The following NKAIN2 variants were observed in gnomAD, a reference collection of about 807,000 sequenced individuals.
NKAIN2 encodes the protein sodium/potassium-transporting ATPase subunit beta-1-interacting protein 2.
NKAIN2 carries 14 observed loss-of-function variants against 32.6 expected under a neutral mutation model. The observed-to-expected ratio is 0.43, with a 90% CI of 0.28 to 0.67. The LOEUF (loss-of-function observed/expected upper bound fraction) is 0.67, where lower values mean the gene tolerates loss of function less well. Among genes scored for constraint, NKAIN2 ranks in the 30% least tolerant of loss-of-function variants. The pLI is 0.17. For missense variants in NKAIN2, 198 were observed against 258.3 expected (o/e 0.77, Z 1.60); for synonymous variants, 80 against 87.2 (o/e 0.92, Z 0.46).
rs186900743 is a variant in NKAIN2, at chr6:124,605,785, T to C, written c.274-52401T>C. On this transcript the variant is annotated intron_variant, in intron 3 of 6. Transcript: ENST00000368417. ...GCTACCTAAAAGGAGGACAAAACTT[T>C]GTATTATGCAAAATAATTTCCTTTA... Among the ~76,000 whole-genome samples the C allele has an allele frequency of 3.3e-5, 5 of 152,164 alleles. No individual in the cohort carries two copies. The East Asian group carries it at 9.7e-4, about 29-fold the overall frequency.
intron 4 of NKAIN2, among the ~76,000 whole-genome samples, chr6:124,737,968 G>A (rs928728561): frequency 1.3e-5 from 2 of 151,834 alleles, no homozygotes; most frequent in African/African-American, 4.8e-5. Flanking sequence ...TAAAAGTTTG[G>A]AAAATTTGCA....
At chr6:123,804,616 G>A (rs1773137320) in intron 1 of NKAIN2, among the ~76,000 whole-genome samples, 1 of 152,128 alleles carries the variant, frequency 6.6e-6, no homozygotes, top group Non-Finnish European at 1.5e-5. Flanking sequence ...TTAAACAGAG[G>A]AATACGGAAT....
intron 1 of NKAIN2, among the ~76,000 whole-genome samples, chr6:123,929,857 A>G (rs1395990702): frequency 6.6e-6 from 1 of 152,144 alleles, no homozygotes; most frequent in African/African-American, 2.4e-5. Flanking sequence ...TCGAAATCCA[A>G]AATGTTCCAA....
chr6:124,337,689 G>C (rs186746872), intron 2 of NKAIN2, among the ~76,000 whole-genome samples: 42 of 152,326 alleles, frequency 2.8e-4, no homozygotes, highest in Non-Finnish European at 3.1e-4. Flanking sequence ...GGTGACTATA[G>C]AATATACAGA....
intron 1 of NKAIN2, among the ~76,000 whole-genome samples, chr6:123,815,138 G>C (rs919472439): frequency 6.6e-6 from 1 of 152,116 alleles, no homozygotes; most frequent in African/African-American, 2.4e-5. Context: ...CGTAAATCTA[G>C]TATCTAGTGG....
chr6:124,341,604 G>C (rs191353837), intron 2 of NKAIN2, among the ~76,000 whole-genome samples: 3 of 152,018 alleles, frequency 2.0e-5, no homozygotes, highest in Non-Finnish European at 4.4e-5. Context: ...TCACAAGAAA[G>C]CTTGATCATA....
chr6:124,337,546 T>G (rs1025427290), intron 2 of NKAIN2, among the ~76,000 whole-genome samples: 1 of 152,076 alleles, frequency 6.6e-6, no homozygotes, highest in African/African-American at 2.4e-5. Context: ...ATAAATAAAC[T>G]TAAGCACCTA....
rs1309384698 is a variant in NKAIN2, at chr6:124,282,987, C to G, written c.55-18C>G. Reference sequence around the variant, plus strand: ...GTTTCTCACATGCTGATCTGTCCATCCTGTTTTGCTATTCTAGGTTTGTGT... The same window carrying G: ...GTTTCTCACATGCTGATCTGTCCATGCTGTTTTGCTATTCTAGGTTTGTGT... On this transcript the variant is annotated intron_variant, in intron 1 of 6. Transcript: ENST00000368417. 1.2e-6 allele frequency: 2 copies of G among 1,612,756 alleles called. No homozygotes were observed.
At chr6:124,413,875 C>T (rs999353217) in intron 3 of NKAIN2, among the ~76,000 whole-genome samples, 1 of 152,028 alleles carries the variant, frequency 6.6e-6, no homozygotes, top group Non-Finnish European at 1.5e-5. Flanking sequence ...TTTATATTGA[C>T]ATTGTAATTT....
intron 1 of NKAIN2, among the ~76,000 whole-genome samples, chr6:123,847,213 A>G (rs1775130733): frequency 1.3e-5 from 2 of 152,200 alleles, no homozygotes; most frequent in South Asian, 4.1e-4. Context: ...CATTTTTATC[A>G]CAAGCTGACT....
At chr6:123,996,845 T>C (rs1236998426) in intron 1 of NKAIN2, among the ~76,000 whole-genome samples, 1 of 152,218 alleles carries the variant, frequency 6.6e-6, no homozygotes, top group East Asian at 1.9e-4. Context: ...TTTCAGCATA[T>C]GTCTGCTTAA....
At chr6:124,145,599 G>A (rs1272886629) in intron 1 of NKAIN2, among the ~76,000 whole-genome samples, 3 of 151,984 alleles carry the variant, frequency 2.0e-5, no homozygotes, top group South Asian at 2.1e-4. Context: ...TCCACCTCCC[G>A]GGTTCACGCC....
Position 124,774,181 on chromosome 6 carries a change from C to T in NKAIN2, c.475-17158C>T, listed in dbSNP as rs79091894. 1.9e-3 allele frequency among the ~76,000 whole-genome samples: 291 copies of T among 152,126 alleles called. 2 individuals carry two copies. The highest frequency in any genetic ancestry group is 6.5e-3 in the African/African-American group (271 of 41,498). On this transcript the variant is annotated intron_variant, in intron 4 of 6. Transcript: ENST00000368417. ...GGCTGAATTGTTGCAAGTGGGGAGA[C>T]GAGTTAGGAGGCTATTGCAGTGATC...
Position 124,550,005 on chromosome 6 carries a change from C to T in NKAIN2, c.274-108181C>T, listed in dbSNP as rs75158342. 4.2e-3 allele frequency among the ~76,000 whole-genome samples: 644 copies of T among 152,296 alleles called. 13 individuals are homozygous for T. Among genetic ancestry groups the T allele is most frequent in the Admixed American group, 0.029 (440 of 15,294 alleles). On this transcript the variant is annotated intron_variant, in intron 3 of 6. Coordinates refer to ENST00000368417, the MANE Select transcript of NKAIN2 (RefSeq NM_001040214.3). ...TTGAGACCACGCAAGTTTCTGCTTT[C>T]TCTTTATGCTTTTGCCCATGAAGCT...
chr6:124,679,477 A>G (rs528474324), intron 4 of NKAIN2, among the ~76,000 whole-genome samples: 1 of 152,292 alleles, frequency 6.6e-6, no homozygotes, highest in Non-Finnish European at 1.5e-5. Flanking sequence ...TCCCAATCAT[A>G]CTATACTGAG....
intron 1 of NKAIN2, among the ~76,000 whole-genome samples, chr6:124,095,556 T>A (rs1489920450): frequency 1.3e-5 from 2 of 152,196 alleles, no homozygotes; most frequent in African/African-American, 2.4e-5. Context: ...TGCAGCCTAA[T>A]TTTAACATGA....
At chr6:124,082,508 A>G (rs1465747779) in intron 1 of NKAIN2, among the ~76,000 whole-genome samples, 2 of 151,996 alleles carry the variant, frequency 1.3e-5, no homozygotes, top group Non-Finnish European at 2.9e-5. Flanking sequence ...TGTTTTCCCT[A>G]TGGACTCCAT....
intron 1 of NKAIN2, among the ~76,000 whole-genome samples, chr6:124,090,415 G>T (rs1784364260): frequency 6.6e-6 from 1 of 151,820 alleles, no homozygotes; most frequent in South Asian, 2.1e-4. Context: ...CAGTCATTTT[G>T]GTATAATAGG....
chr6:124,085,447 G>C (rs1017907981), intron 1 of NKAIN2, among the ~76,000 whole-genome samples: 1 of 151,728 alleles, frequency 6.6e-6, no homozygotes, highest in Non-Finnish European at 1.5e-5. Context: ...AGAAAAGTTG[G>C]AGGATAGGTA....
Sources: gnomAD v4.1 joint callset for allele counts (sites outside exome capture counted in the v4.1 genomes callset) on GRCh38, gnomAD v4.1.1 for gene constraint, MANE v1.5 for transcripts, NCBI Gene and HGNC (gene_info 2026-07-23, HGNC 2026-07-21) for gene names.